AHNAK2: variants seen among roughly 807,000 people sequenced by gnomAD.
The protein encoded by AHNAK2 is AHNAK nucleoprotein 2, also known as protein AHNAK2.
AHNAK2 carries 18 observed loss-of-function variants against 30.7 expected under a neutral mutation model. That is an observed-to-expected ratio of 0.59 (90% confidence interval 0.41 to 0.87). The LOEUF (loss-of-function observed/expected upper bound fraction) is 0.87. Ranked by LOEUF, AHNAK2 falls within the 40% of genes least tolerant of loss-of-function variation. AHNAK2 has a pLI of 0.00. For missense variants in AHNAK2, 8,604 were observed against 7,373.0 expected (o/e 1.17, Z -6.11); for synonymous variants, 3,590 against 3,073.8 (o/e 1.17, Z -5.56).
At chr14:104,960,686 G>A (rs1182780210) in intron 1 of AHNAK2, among the ~76,000 whole-genome samples, 3 of 152,224 alleles carry the variant, frequency 2.0e-5, no homozygotes, top group Non-Finnish European at 4.4e-5. Context: ...TTTGGAAGGT[G>A]ATGGAGGTCT....
chr14:104,943,712 C>T lies in AHNAK2; in HGVS notation c.11739G>A (p.Leu3913=), dbSNP rs558648270. Residue 3913 remains leucine, a synonymous_variant, in exon 7 of 7, where the codon CTG becomes CTA. Coordinates refer to ENST00000333244, the MANE Select transcript of AHNAK2 (RefSeq NM_138420.4). Reference sequence around the variant, plus strand: ...CTTCCACCTTGGGGTCTTTTAGGTCCAGCTTGGGGCCCTTGATGTCTATTT... The same window carrying T: ...CTTCCACCTTGGGGTCTTTTAGGTCTAGCTTGGGGCCCTTGATGTCTATTT... ...GPEIDIKGPK[L]DLKDPKVEVT... is the part of the protein sequence containing the mutation. The T allele has an allele frequency of 5.5e-5, 88 of 1,612,880 alleles. 1 individual carries two copies. In the South Asian group the frequency reaches 9.2e-4, roughly 17 times the overall value.
Position 104,954,762 on chromosome 14 carries a change from G to T in AHNAK2, c.689C>A (p.Thr230Lys). 6.3e-7 allele frequency: 1 copy of T among 1,597,624 alleles called. No individual in the cohort carries two copies. Among genetic ancestry groups the T allele is most frequent in the Non-Finnish European group, 8.5e-7 (1 of 1,171,554 alleles). ...DVADGCRETP[T>K]KTLEGDGDQE... ...GTCCCCATCTCCTTCCAGAGTTTTC[G>T]TGGGGGTCTCTCTGCACCCATCAGC... The change falls in exon 7 of 7, where the codon ACG becomes AAG. Residue 230 changes from threonine to lysine, a missense_variant. By Grantham distance (78) the Thr-to-Lys change is moderately conservative. Transcript: ENST00000333244. This position sits in a 1 kb window ranked among gnomAD's most constrained non-coding sequence, Gnocchi z 4.3.
Position 104,954,206 on chromosome 14 carries a change from CCT to C in AHNAK2, c.1243_1244del (p.Arg415GlyfsTer36). 6.2e-7 allele frequency: 1 copy of C among 1,610,636 alleles called. No homozygotes were observed. Among genetic ancestry groups the C allele is most frequent in the Non-Finnish European group, 8.5e-7 (1 of 1,179,712 alleles). ...GGGTCTTTCCATGGAGCCTGGCTGC[CCT>C]GAGTCCCCCTTCCTGAGGGGTTCCC... ...CEGTPQEGGL[R>X]AARLHGKTLE... On this transcript the variant is annotated frameshift_variant, in exon 7 of 7. Coordinates refer to ENST00000333244, the MANE Select transcript of AHNAK2 (RefSeq NM_138420.4). LOFTEE classifies it low-confidence loss of function (END_TRUNC). The surrounding 1 kb of genome is among the most constrained non-coding windows in gnomAD (Gnocchi z 4.3).
chr14:104,968,023 C>T (rs1327317454), intron 1 of AHNAK2, among the ~76,000 whole-genome samples: 2 of 152,230 alleles, frequency 1.3e-5, no homozygotes, highest in Non-Finnish European at 2.9e-5. Flanking sequence ...TGTTTGTTGA[C>T]GGTCACCAAA....
Position 104,970,475 on chromosome 14 carries a change from CTCCCAACTGGCCCAGAAGCGAAGA to C in AHNAK2, c.55+7684_55+7707del, listed in dbSNP as rs1427443597. 128 of 985,636 alleles carry C rather than the reference CTCCCAACTGGCCCAGAAGCGAAGA, an allele frequency of 1.3e-4. No individual in the cohort carries two copies. In the Admixed American group the frequency reaches 1.5e-3, roughly 11 times the overall value. The allele number at this position is 985,636 out of a possible 1,614,324, so 61.1% of individuals were successfully genotyped here. Reference sequence around the variant, plus strand: ...ACTTACCAAGGAAGCTACAGACGCTCTCCCAACTGGCCCAGAAGCGAAGATCCCAACTGGCCACCTCCCCCTGCC... The same window carrying C: ...ACTTACCAAGGAAGCTACAGACGCTCTCCCAACTGGCCACCTCCCCCTGCC... On this transcript the variant is annotated intron_variant, in intron 1 of 6. Transcript: ENST00000333244.
rs549049067 is a variant in AHNAK2, at chr14:104,948,327, A to C, written c.7124T>G (p.Leu2375Arg). ...DLSVQPPSAD[L>R]EVQAGQVDVK... ...ATCCACTTGGCCAGCCTGGACCTCCAGGTCAGCGGAAGGGGGCTGAACGCT... is the reference window on the plus strand; with the variant it reads ...ATCCACTTGGCCAGCCTGGACCTCCCGGTCAGCGGAAGGGGGCTGAACGCT... The change falls in exon 7 of 7, where the codon CTG becomes CGG. Residue 2375 changes from leucine (L) to arginine (R), a missense_variant. Leu to Arg is a moderately radical substitution (Grantham distance 102). Coordinates refer to ENST00000333244, the MANE Select transcript of AHNAK2 (RefSeq NM_138420.4). 2.0e-5 allele frequency: 32 copies of C among 1,612,660 alleles called. No homozygotes were observed. In the African/African-American group the frequency reaches 3.4e-4, roughly 17 times the overall value.
At chr14:104,955,177 G>A in intron 5 of AHNAK2, 36 bp from the exon 6 acceptor site, 1 of 1,575,396 alleles carries the variant, frequency 6.3e-7, no homozygotes, top group Non-Finnish European at 8.6e-7. Context: ...GGCCGGGTGT[G>A]TGAATGAGAC....
intron 1 of AHNAK2, among the ~76,000 whole-genome samples, chr14:104,965,706 C>T (rs770927484): frequency 6.6e-6 from 1 of 152,156 alleles, no homozygotes; most frequent in Non-Finnish European, 1.5e-5. Flanking sequence ...GTGCTGGCCT[C>T]GGGGACCAGC....
chr14:104,956,731 C>T, intron 3 of AHNAK2, 42 bp from the exon 4 acceptor site: 1 of 1,596,092 alleles, frequency 6.3e-7, no homozygotes. Flanking sequence ...TGCCCCAGCT[C>T]AGGGACAGGG....
At position 104,943,718 on chromosome 14, in the gene AHNAK2, G is replaced by T; in HGVS notation, c.11733C>A (p.Pro3911=). ...CCTTGGGGTCTTTTAGGTCCAGCTT[G>T]GGGCCCTTGATGTCTATTTCAGGGC... is the stretch of plus-strand genomic sequence containing the variant. ...LKGPEIDIKG[P]KLDLKDPKVE... The change falls in exon 7 of 7, where the codon CCC becomes CCA. Residue 3911 remains proline (P), a synonymous_variant. Transcript: ENST00000333244. The T allele has an allele frequency of 6.2e-7, 1 of 1,612,844 alleles. No individual in the cohort carries two copies.
chr14:104,952,402 T>A lies in AHNAK2; in HGVS notation c.3049A>T (p.Ile1017Phe). The change falls in exon 7 of 7, where the codon ATC becomes TTC. Residue 1017 changes from isoleucine to phenylalanine, a missense_variant. Physicochemically the swap from Ile to Phe is conservative, Grantham distance 21. Coordinates refer to ENST00000333244, the MANE Select transcript of AHNAK2 (RefSeq NM_138420.4). The part of the protein sequence containing the change: ...SFGVSAPGKS[I>F]KALVDVSAPK... ...GCAGACACATCCACCAAGGCCTTGA[T>A]GGACTTCCCTGGGGCCGATACCCCG... 1.9e-6 allele frequency: 3 copies of A among 1,612,610 alleles called. No homozygotes were observed. The highest frequency in any genetic ancestry group is 2.5e-6 in the Non-Finnish European group (3 of 1,179,550).
At position 104,941,563 on chromosome 14, in the gene AHNAK2, C is replaced by G; in HGVS notation, c.13888G>C (p.Gly4630Arg). 2.5e-6 allele frequency: 4 copies of G among 1,613,158 alleles called. No homozygotes were observed. The highest frequency in any genetic ancestry group is 3.4e-6 in the Non-Finnish European group (4 of 1,179,888). The change falls in exon 7 of 7, where the codon GGA becomes CGA. Residue 4630 changes from glycine (G) to arginine (R), a missense_variant. Coordinates refer to ENST00000333244, the MANE Select transcript of AHNAK2 (RefSeq NM_138420.4). ...AAACCAGACGTGCTCAGTTTTGGTC[C>G]TTGAAACTTACTGTCTTTCCCAGCT... ...DVAGKDSKFQGPKLSTSGFEW... is the reference protein window; with the variant it reads ...DVAGKDSKFQRPKLSTSGFEW...
At chr14:104,955,782 G>GTAGC (rs2140869796) in intron 4 of AHNAK2, 149 bp from the exon 5 acceptor site, 1 of 1,082,602 alleles carries the variant, frequency 9.2e-7, no homozygotes, top group Non-Finnish European at 1.2e-6. Context: ...TACCCACCAG[G>GTAGC]TGGGCTCAGG....
rs1026751360 is a variant in AHNAK2 at position 104,941,266 on chromosome 14, T to C, written c.14185A>G (p.Ile4729Val). 3.7e-6 allele frequency: 6 copies of C among 1,613,618 alleles called. No homozygotes were observed. The highest frequency in any genetic ancestry group is 3.4e-6 in the Non-Finnish European group (4 of 1,179,862). Residue 4729 changes from isoleucine (I) to valine (V), a missense_variant, in exon 7 of 7, where the codon ATA becomes GTA. Transcript: ENST00000333244. ...GATAAAGGAATCGTGGAAAGACCTATGCTAGACTTTGCACCTGGGACTAAA... is the reference window on the plus strand; with the variant it reads ...GATAAAGGAATCGTGGAAAGACCTACGCTAGACTTTGCACCTGGGACTAAA... Reference protein sequence around the residue: ...DSLVPGAKSSIGLSTIPLSSS... With the variant: ...DSLVPGAKSSVGLSTIPLSSS...
chr14:104,957,790 C>G, intron 1 of AHNAK2, 118 bp from the exon 2 acceptor site: 1 of 1,091,018 alleles, frequency 9.2e-7, no homozygotes, highest in Non-Finnish European at 1.3e-6. Context: ...TTCCTGGACA[C>G]TGGATCGGAG....
rs1219693281 is a variant in AHNAK2 at position 104,946,290 on chromosome 14, C to T, written c.9161G>A (p.Gly3054Glu). Residue 3054 changes from glycine to glutamate, a missense_variant, in exon 7 of 7, where the codon GGA becomes GAA. Gly to Glu is a moderately conservative substitution (Grantham distance 98). Transcript: ENST00000333244. The stretch of plus-strand genomic sequence containing the variant: ...GGGCAGGTGCCCTTTGAGGCCAGCT[C>T]CCTCGGGAACGTGGCCCTCTGGGAG... Reference protein sequence around the residue: ...LKLPEGHVPEGAGLKGHLPKL... With the variant: ...LKLPEGHVPEEAGLKGHLPKL... The T allele has an allele frequency of 5.0e-6, 8 of 1,611,818 alleles. No individual in the cohort carries two copies. Among genetic ancestry groups the T allele is most frequent in the Non-Finnish European group, 6.8e-6 (8 of 1,179,324 alleles).
rs373098881 is a variant in AHNAK2, at chr14:104,940,040, C to T, written c.15411G>A (p.Gly5137=). ...LSTEGDSRGC[G]LGDVPVSQPC... Reference sequence around the variant, plus strand: ...GCTGGCTCACTGGGACATCCCCGAGCCCACATCCTCTGCTGTCACCTTCGG... The same window carrying T: ...GCTGGCTCACTGGGACATCCCCGAGTCCACATCCTCTGCTGTCACCTTCGG... The change falls in exon 7 of 7, where the codon GGG becomes GGA. Residue 5137 remains glycine (G), a synonymous_variant. Coordinates refer to ENST00000333244, the MANE Select transcript of AHNAK2 (RefSeq NM_138420.4). The surrounding 1 kb of genome is among the most constrained non-coding windows in gnomAD (Gnocchi z 4.4). The T allele has an allele frequency of 3.7e-4, 591 of 1,611,168 alleles. No individual in the cohort carries two copies. The highest frequency in any genetic ancestry group is 4.7e-4 in the Non-Finnish European group (559 of 1,178,378).
chr14:104,957,385 G>T (rs761264513), intron 3 of AHNAK2, 25 bp downstream of exon 3: 1 of 1,555,610 alleles, frequency 6.4e-7, no homozygotes, highest in South Asian at 1.2e-5. Flanking sequence ...CTGGGTGCCT[G>T]TGGGGCTCTG....
rs760118615 is a variant in AHNAK2 at position 104,945,232 on chromosome 14, T to A, written c.10219A>T (p.Lys3407Ter). 1.2e-6 allele frequency: 2 copies of A among 1,612,760 alleles called. No individual in the cohort carries two copies. The highest frequency in any genetic ancestry group is 1.3e-5 in the African/African-American group (1 of 74,496). The change falls in exon 7 of 7, where the codon AAG becomes TAG. Residue 3407 changes from lysine (K) to a stop codon, truncating the protein, a stop_gained. Coordinates refer to ENST00000333244, the MANE Select transcript of AHNAK2 (RefSeq NM_138420.4). LOFTEE classifies it low-confidence loss of function (END_TRUNC). ...CCCTTGATGTCCACCTGGGGGCTCT[T>A]GAGGTCCACTTTGGGCATCTTGAAA... ...PSFKMPKVDL[K>*]SPQVDIKGPK...
Sources: allele counts gnomAD v4.1 joint callset (sites outside exome capture counted in the v4.1 genomes callset), GRCh38; gene constraint gnomAD v4.1.1; non-coding constraint Gnocchi (gnomAD v3.1); transcripts MANE v1.5; gene names NCBI Gene and HGNC (gene_info 2026-07-23, HGNC 2026-07-21).